MYO5A: variants seen among roughly 807,000 people sequenced by gnomAD.
MYO5A encodes myosin VA.
In MYO5A, 98 loss-of-function variants were observed where a neutral mutation model predicts 249.7. That is an observed-to-expected ratio of 0.39 (90% CI 0.33 to 0.46). The LOEUF (loss-of-function observed/expected upper bound fraction) is 0.46. Ranked by LOEUF, MYO5A falls within the 20% of genes least tolerant of loss-of-function variation. The pLI, the probability that MYO5A is intolerant of heterozygous loss-of-function variation, is 0.98. For missense variants in MYO5A, 1,696 were observed against 2,308.8 expected (o/e 0.73, Z 5.44); for synonymous variants, 778 against 810.6 (o/e 0.96, Z 0.68).
intron 1 of MYO5A, among the ~76,000 whole-genome samples, chr15:52,466,581 C>T (rs916715213): frequency 6.6e-6 from 1 of 152,218 alleles, no homozygotes; most frequent in African/African-American, 2.4e-5. Flanking sequence ...CCAGCCAAGG[C>T]TGTGAAGCTA....
chr15:52,384,040 A>G (rs2041874014), intron 15 of MYO5A, 121 bp downstream of exon 15: 6 of 1,190,304 alleles, frequency 5.0e-6, no homozygotes, highest in Non-Finnish European at 6.1e-6. Flanking sequence ...ATGATCTCAC[A>G]GTGAAAGCTC....
At chr15:52,458,602 A>C (rs1481376760) in intron 1 of MYO5A, among the ~76,000 whole-genome samples, 1 of 152,102 alleles carries the variant, frequency 6.6e-6, no homozygotes, top group Non-Finnish European at 1.5e-5. Flanking sequence ...CCCTGCACAA[A>C]GCAAGATTCT....
chr15:52,407,604 T>A (rs951513823), intron 7 of MYO5A, among the ~76,000 whole-genome samples: 2 of 151,492 alleles, frequency 1.3e-5, no homozygotes, highest in Admixed American at 6.6e-5. Flanking sequence ...ATATTTATAG[T>A]TTATTTATGT....
At chr15:52,372,434 G>C in intron 20 of MYO5A, 71 bp from the exon 21 acceptor site, 1 of 1,578,776 alleles carries the variant, frequency 6.3e-7, no homozygotes, top group Non-Finnish European at 8.6e-7. Context: ...TCTATGTCGG[G>C]CTGAAAATCC....
At chr15:52,474,718 C>T (rs1266717222) in intron 1 of MYO5A, among the ~76,000 whole-genome samples, 1 of 152,182 alleles carries the variant, frequency 6.6e-6, no homozygotes, top group African/African-American at 2.4e-5. Context: ...TTGAACCAGC[C>T]TTGCATCCCA....
Position 52,431,231 on chromosome 15 carries a change from C to CAAAAAAA in MYO5A, c.138+1937_138+1943dup, listed in dbSNP as rs1333488857. On this transcript the variant is annotated intron_variant, in intron 2 of 41. Coordinates refer to ENST00000399233, the MANE Select transcript of MYO5A (RefSeq NM_001382347.1). ...TGGGTGACAGAGCAAAATTCCGTCT[C>CAAAAAAA]AAAAAAAAAAAAAAAGTCTAGTGCA... Among the ~76,000 whole-genome samples, 5 of 45,850 alleles carry CAAAAAAA rather than the reference C, an allele frequency of 1.1e-4. 2 individuals carry two copies. Among genetic ancestry groups the CAAAAAAA allele is most frequent in the Admixed American group, 4.2e-4 (1 of 2,400 alleles). 30.1% of individuals were successfully genotyped at this position (45,850 alleles called of 152,430 possible). A position where few individuals can be genotyped will look rare whatever the true frequency, so the allele number is the denominator to read the frequency against.
intron 11 of MYO5A, among the ~76,000 whole-genome samples, chr15:52,394,354 G>C (rs567421665): frequency 7.2e-5 from 11 of 152,156 alleles, no homozygotes; most frequent in Non-Finnish European, 1.6e-4. Context: ...AAATAATGAG[G>C]CAATTAGTAG....
chr15:52,471,878 T>A (rs2076480030), intron 1 of MYO5A, among the ~76,000 whole-genome samples: 1 of 151,834 alleles, frequency 6.6e-6, no homozygotes, highest in Non-Finnish European at 1.5e-5. Context: ...TTTTAATTTG[T>A]TGTAGAGTCA....
chr15:52,453,365 G>C (rs1009746358), intron 1 of MYO5A, among the ~76,000 whole-genome samples: 3 of 151,922 alleles, frequency 2.0e-5, no homozygotes, highest in African/African-American at 7.3e-5. Context: ...GAGAGATAAA[G>C]TCCTTCCCAC....
intron 1 of MYO5A, among the ~76,000 whole-genome samples, chr15:52,521,990 A>G (rs1370409116): frequency 6.6e-6 from 1 of 152,212 alleles, no homozygotes; most frequent in Non-Finnish European, 1.5e-5. Flanking sequence ...AAAATCATCT[A>G]AACTCCTTTT....
chr15:52,365,715 A>G (rs1441380701), intron 23 of MYO5A, among the ~76,000 whole-genome samples: 1 of 152,222 alleles, frequency 6.6e-6, no homozygotes, highest in Non-Finnish European at 1.5e-5. Context: ...TGAATGAATG[A>G]AAGAATTTCT....
rs539790089 is a variant in MYO5A at position 52,360,299 on chromosome 15, C to T, written c.3310-218G>A. 3.9e-5 allele frequency among the ~76,000 whole-genome samples: 6 copies of T among 152,270 alleles called. No individual in the cohort carries two copies. In the South Asian group the frequency reaches 6.2e-4, roughly 16 times the overall value. On this transcript the variant is annotated intron_variant, in intron 24 of 41. Transcript: ENST00000399233. ...TGACAGGACAAGAACAGTTGCAAAACCAAATGCCCAAATGAAAACCACTTC... is the reference window on the plus strand; with the variant it reads ...TGACAGGACAAGAACAGTTGCAAAATCAAATGCCCAAATGAAAACCACTTC...
Position 52,313,859 on chromosome 15 carries a change from T to C in MYO5A, c.5491-11A>G, listed in dbSNP as rs894995834. 4.3e-6 allele frequency: 7 copies of C among 1,613,514 alleles called. No individual in the cohort carries two copies. The African/African-American group carries it at 8.0e-5, about 18-fold the overall frequency. On this transcript the variant is annotated splice_polypyrimidine_tract_variant and intron_variant, in intron 41 of 41. Transcript: ENST00000399233. ...GTCTCGTAAACGCATCTGAGAAGAT[T>C]AGGAAAAAAAATAAACAGAGCATCA... is the stretch of plus-strand genomic sequence containing the variant.
chr15:52,333,890 G>T (rs1176799636), intron 34 of MYO5A, among the ~76,000 whole-genome samples: 1 of 152,216 alleles, frequency 6.6e-6, no homozygotes, highest in Non-Finnish European at 1.5e-5. Context: ...AGGATGAAAA[G>T]TGTCACCTTG....
rs757540865 is a variant in MYO5A at position 52,323,453 on chromosome 15, G to C, written c.4711-9C>G. The C allele has an allele frequency of 1.9e-6, 3 of 1,607,376 alleles. No individual in the cohort carries two copies. The highest frequency in any genetic ancestry group is 2.2e-5 in the East Asian group (1 of 44,776). On this transcript the variant is annotated splice_polypyrimidine_tract_variant and intron_variant, in intron 36 of 41. Transcript: ENST00000399233. The stretch of plus-strand genomic sequence containing the variant: ...AAATCATCACCTCTTTTCTGAAAGA[G>C]AGAATAAGTCTAAACTTGCCTTTTC...
chr15:52,335,805 T>C (rs1328556246), intron 34 of MYO5A, among the ~76,000 whole-genome samples: 1 of 152,192 alleles, frequency 6.6e-6, no homozygotes, highest in Non-Finnish European at 1.5e-5. Flanking sequence ...AGACTGTAAG[T>C]TCTTTGAGGA....
chr15:52,452,924 A>AACTAC (rs1168110204), intron 1 of MYO5A, among the ~76,000 whole-genome samples: 1 of 152,104 alleles, frequency 6.6e-6, no homozygotes, highest in Non-Finnish European at 1.5e-5. Context: ...AGATATTGAA[A>AACTAC]ACTACCCTAA....
intron 1 of MYO5A, chr15:52,505,049 C>T: frequency 1.9e-6 from 1 of 513,664 alleles, no homozygotes; most frequent in East Asian, 3.6e-5. Flanking sequence ...TCTTCGGGAG[C>T]TGTGGAGGTA....
intron 20 of MYO5A, among the ~76,000 whole-genome samples, chr15:52,374,896 T>A (rs1430363790): frequency 6.6e-6 from 1 of 152,246 alleles, no homozygotes; most frequent in Non-Finnish European, 1.5e-5. Context: ...TTTTTTCAAA[T>A]TATATAAACA....
Sources: gnomAD v4.1 joint callset for allele counts (sites outside exome capture counted in the v4.1 genomes callset) on GRCh38, gnomAD v4.1.1 for gene constraint, MANE v1.5 for transcripts, NCBI Gene and HGNC (gene_info 2026-07-23, HGNC 2026-07-21) for gene names.